Variants in GRHL2 observed in about 807,000 individuals in gnomAD.
GRHL2 encodes grainyhead-like protein 2 homolog.
A neutral mutation model predicts 83.8 loss-of-function variants in GRHL2; 21 were observed. The ratio of observed to expected loss-of-function variants is 0.25; its 90% confidence interval spans 0.18 to 0.36. The LOEUF (loss-of-function observed/expected upper bound fraction) is 0.36. Among genes scored for constraint, GRHL2 ranks in the 10% least tolerant of loss-of-function variants. GRHL2 has a pLI of 1.00. For missense variants in GRHL2, 623 were observed against 781.8 expected, an observed-to-expected ratio of 0.80 and a Z score of 2.42; for synonymous variants, 280 against 278.9, an observed-to-expected ratio of 1.00 and a Z score of -0.04.
In GRHL2 at chr8:101,492,745, G is replaced by C. The variant is rs1371323342; in HGVS notation, c.-25G>C. The C allele has an allele frequency of 6.2e-7, 1 of 1,610,774 alleles. No homozygotes were observed. Among genetic ancestry groups the C allele is most frequent in the Non-Finnish European group, 8.5e-7 (1 of 1,176,948 alleles). On this transcript the variant is annotated 5_prime_UTR_variant, in exon 1 of 16. Transcript: ENST00000646743. ...ACCAGAGGCTGAGGCTCCAGGAAAA[G>C]CGGAGCAAGTTCATTGGATCAAACA...
intron 14 of GRHL2, among the ~76,000 whole-genome samples, chr8:101,652,322 GTGTGTGTGGTGTGTGTGTA>G (rs1345289561): frequency 2.4e-5 from 3 of 123,322 alleles, no homozygotes; most frequent in Admixed American, 8.4e-5. Context: ...GTGTGTGCGT[GTGTGTGTGGTGTGTGTGTA>G]TGTGTGTGGT....
chr8:101,552,205 C>T (rs557215925), intron 2 of GRHL2, among the ~76,000 whole-genome samples: 3 of 152,234 alleles, frequency 2.0e-5, no homozygotes, highest in Admixed American at 6.5e-5. Context: ...CCCAGGTATA[C>T]TGGATGCTTC....
intron 1 of GRHL2, among the ~76,000 whole-genome samples, chr8:101,496,872 AG>A (rs1810117091): frequency 6.6e-6 from 1 of 152,174 alleles, no homozygotes; most frequent in Admixed American, 6.5e-5. Flanking sequence ...AGCATGGTCT[AG>A]GACCAGAAAG....
rs745311312 is a variant in GRHL2 at position 101,631,734 on chromosome 8, A to C, written c.1345+10A>C. 2 of 1,605,586 alleles carry C rather than the reference A, an allele frequency of 1.2e-6. No individual in the cohort carries two copies. Among genetic ancestry groups the C allele is most frequent in the Non-Finnish European group, 1.7e-6 (2 of 1,172,384 alleles). ...ACTCAATGCAACAGCTGTGAGTTTC[A>C]CTGAGACTAATGTTGCTTTCTAAAG... On this transcript the variant is annotated intron_variant, in intron 10 of 15. Coordinates refer to ENST00000646743, the MANE Select transcript of GRHL2 (RefSeq NM_024915.4).
intron 4 of GRHL2, among the ~76,000 whole-genome samples, chr8:101,564,419 A>G (rs1811671168): frequency 6.6e-6 from 1 of 152,186 alleles, no homozygotes; most frequent in Admixed American, 6.5e-5. Context: ...TTCTGTGTGT[A>G]TGTGCACGTG....
chr8:101,610,395 T>A (rs1586142055), intron 8 of GRHL2, among the ~76,000 whole-genome samples: 1 of 150,642 alleles, frequency 6.6e-6, no homozygotes. Context: ...GAAGGAGGGC[T>A]TGAACTGGGG....
chr8:101,504,719 T>C (rs557263432), intron 1 of GRHL2, among the ~76,000 whole-genome samples: 1 of 152,010 alleles, frequency 6.6e-6, no homozygotes, highest in East Asian at 1.9e-4. Flanking sequence ...GGCCACACAG[T>C]GACTCATCTG....
intron 1 of GRHL2, chr8:101,542,745 A>G (rs1811180832): frequency 2.2e-6 from 1 of 456,666 alleles, no homozygotes; most frequent in South Asian, 1.5e-5. Flanking sequence ...AAGGGGCAGC[A>G]TCTGACCAAG....
intron 14 of GRHL2, among the ~76,000 whole-genome samples, chr8:101,655,691 A>G (rs1563629339): frequency 6.6e-6 from 1 of 152,180 alleles, no homozygotes; most frequent in African/African-American, 2.4e-5. Context: ...TTTTCTTTTC[A>G]TTTGCATATT....
At position 101,649,614 on chromosome 8, in the gene GRHL2, C is replaced by G. The variant is rs552903193; in HGVS notation, c.1698+115C>G. 112 of 764,002 alleles carry G rather than the reference C, an allele frequency of 1.5e-4. No individual in the cohort carries two copies. The African/African-American group carries it at 1.8e-3, about 12-fold the overall frequency. 47.3% of individuals were successfully genotyped at this position (764,002 alleles called of 1,614,324 possible). On this transcript the variant is annotated intron_variant, in intron 14 of 15. Coordinates refer to ENST00000646743, the MANE Select transcript of GRHL2 (RefSeq NM_024915.4). ...GCTTCAGAATGAGCTTTATACAGAA[C>G]AAGAAAAACCTAAGATTTGTGGAGG...
intron 2 of GRHL2, among the ~76,000 whole-genome samples, chr8:101,551,950 C>A (rs1043743046): frequency 1.3e-5 from 2 of 151,622 alleles, no homozygotes; most frequent in Admixed American, 1.3e-4. Flanking sequence ...ATTCTCTGGC[C>A]TCAGCCTCCT....
intron 8 of GRHL2, among the ~76,000 whole-genome samples, chr8:101,600,414 G>A (rs188773425): frequency 6.6e-6 from 1 of 152,212 alleles, no homozygotes; most frequent in South Asian, 2.1e-4. Context: ...GGCTACCCGA[G>A]CCCCGTTCTC....
At chr8:101,638,307 A>G (rs1308332148) in intron 12 of GRHL2, among the ~76,000 whole-genome samples, 1 of 151,682 alleles carries the variant, frequency 6.6e-6, no homozygotes, top group Non-Finnish European at 1.5e-5. Context: ...GGACCAAATC[A>G]GGCCCACCGC....
chr8:101,559,165 C>A (rs1320668242), intron 4 of GRHL2, among the ~76,000 whole-genome samples: 1 of 151,830 alleles, frequency 6.6e-6, no homozygotes, highest in Non-Finnish European at 1.5e-5. Flanking sequence ...AGTTTGTAAC[C>A]TTCCAAATGG....
intron 14 of GRHL2, 129 bp from the exon 15 acceptor site, chr8:101,664,325 T>C (rs1813995361): frequency 2.9e-6 from 2 of 679,140 alleles, no homozygotes; most frequent in Non-Finnish European, 5.3e-6. Flanking sequence ...GTTTTGAGAG[T>C]TCGACTCATG....
At chr8:101,669,914 G>A (rs1228818089), downstream of GRHL2, among the ~76,000 whole-genome samples, 1 of 152,182 alleles carries the variant, frequency 6.6e-6, no homozygotes, top group Non-Finnish European at 1.5e-5. Context: ...TGTGAAGAGG[G>A]CTGAAGAACT....
rs934200030 is a variant in GRHL2, at chr8:101,614,590, A to G, written c.1099-4949A>G. ...TTCTGTGCTTGACATTTGGATGAAC[A>G]TTTGGTAGAGGAAATTATACCTTTT... On this transcript the variant is annotated intron_variant, in intron 8 of 15. Coordinates refer to ENST00000646743, the MANE Select transcript of GRHL2 (RefSeq NM_024915.4). Among the ~76,000 whole-genome samples the G allele has an allele frequency of 2.5e-4, 38 of 152,306 alleles. No individual in the cohort carries two copies. The Middle Eastern group carries it at 0.01, about 41-fold the overall frequency.
chr8:101,501,271 TC>T (rs534630612), intron 1 of GRHL2, among the ~76,000 whole-genome samples: 46 of 152,188 alleles, frequency 3.0e-4, no homozygotes, highest in Non-Finnish European at 3.8e-4. Flanking sequence ...TCACTTTCAC[TC>T]CCAAGGAAAT....
intron 13 of GRHL2, among the ~76,000 whole-genome samples, chr8:101,648,406 C>T (rs1227739504): frequency 6.6e-6 from 1 of 152,164 alleles, no homozygotes; most frequent in Non-Finnish European, 1.5e-5. Flanking sequence ...AGCTGTACTC[C>T]ACTTCACTGA....
Sources: allele counts gnomAD v4.1 joint callset (sites outside exome capture counted in the v4.1 genomes callset), GRCh38; gene constraint gnomAD v4.1.1; transcripts MANE v1.5; gene names NCBI Gene and HGNC (gene_info 2026-07-23, HGNC 2026-07-21).